MGMT: variants seen among roughly 807,000 people sequenced by gnomAD.
The protein encoded by MGMT is methylated-DNA--protein-cysteine methyltransferase.
MGMT carries 14 observed loss-of-function variants against 15.9 expected under a neutral mutation model. The observed-to-expected ratio is 0.88, with a 90% CI of 0.58 to 1.37. The LOEUF is 1.37. Ranked by LOEUF, MGMT falls within the 40% of genes most tolerant of loss-of-function variation. The probability of loss-of-function intolerance (pLI) is 0.00; values close to 1 mark genes in which losing one functional copy is unlikely to be tolerated. For synonymous variants in MGMT, 130 were observed against 118.2 expected (o/e 1.10, Z -0.65); for missense variants, 282 against 268.1 (o/e 1.05, Z -0.36).
intron 2 of MGMT, among the ~76,000 whole-genome samples, chr10:129,552,655 C>T (rs1022695779): frequency 5.3e-5 from 8 of 152,166 alleles, no homozygotes; most frequent in Non-Finnish European, 8.8e-5. Flanking sequence ...GTTTGGCCAG[C>T]GGTGAAAGAC....
At chr10:129,676,716 A>T (rs1246711090) in intron 2 of MGMT, among the ~76,000 whole-genome samples, 1 of 152,168 alleles carries the variant, frequency 6.6e-6, no homozygotes, top group Non-Finnish European at 1.5e-5. Context: ...AAAGCACATG[A>T]GGAAATGAAA....
chr10:129,529,843 T>A (rs574389278), intron 1 of MGMT, among the ~76,000 whole-genome samples: 4 of 152,320 alleles, frequency 2.6e-5, no homozygotes, highest in African/African-American at 9.6e-5. Context: ...TACCCATGTA[T>A]TCATAATTTG....
At chr10:129,723,041 A>T (rs548582089) in intron 3 of MGMT, among the ~76,000 whole-genome samples, 1 of 150,188 alleles carries the variant, frequency 6.7e-6, no homozygotes, top group South Asian at 2.1e-4. Flanking sequence ...AGTCTTGTCA[A>T]CTAATGGTGC....
chr10:129,744,318 A>G (rs1034705217), intron 3 of MGMT, among the ~76,000 whole-genome samples: 1 of 152,224 alleles, frequency 6.6e-6, no homozygotes, highest in Non-Finnish European at 1.5e-5. Flanking sequence ...GCAGCTGTGC[A>G]CAAGCTGGCT....
chr10:129,630,660 A>T (rs1447213981), intron 2 of MGMT, among the ~76,000 whole-genome samples: 1 of 152,186 alleles, frequency 6.6e-6, no homozygotes, highest in Non-Finnish European at 1.5e-5. Flanking sequence ...AAAAGAAAAC[A>T]GAAGGAAGAT....
intron 2 of MGMT, among the ~76,000 whole-genome samples, chr10:129,652,801 G>A (rs761846087): frequency 3.3e-5 from 5 of 152,238 alleles, no homozygotes; most frequent in African/African-American, 7.2e-5. Context: ...GCGCACCCAC[G>A]GGGTGACGTG....
At chr10:129,526,536 AT>A (rs1845872714) in intron 1 of MGMT, among the ~76,000 whole-genome samples, 1 of 152,008 alleles carries the variant, frequency 6.6e-6, no homozygotes. Context: ...GTTCGTTTTT[AT>A]GTTTTTGAGG....
chr10:129,528,224 G>GA (rs59394518), intron 1 of MGMT, among the ~76,000 whole-genome samples: 1 of 151,888 alleles, frequency 6.6e-6, no homozygotes, highest in Non-Finnish European at 1.5e-5. Context: ...CTGGTTTGAA[G>GA]AAAAAACAGG....
At chr10:129,710,612 A>C (rs113188416) in intron 3 of MGMT, among the ~76,000 whole-genome samples, 32 of 152,344 alleles carry the variant, frequency 2.1e-4, no homozygotes, top group African/African-American at 7.5e-4. Flanking sequence ...GGTTGCTAAC[A>C]GGGAGTTAAT....
At chr10:129,704,753 C>T (rs1193954634) in intron 2 of MGMT, among the ~76,000 whole-genome samples, 1 of 151,940 alleles carries the variant, frequency 6.6e-6, no homozygotes, top group Non-Finnish European at 1.5e-5. Context: ...GTATGGGGGC[C>T]CCTATGTGCA....
At chr10:129,668,146 C>T (rs1537257) in intron 2 of MGMT, among the ~76,000 whole-genome samples, 62,259 of 151,956 alleles carry the variant, frequency 0.41, 14,032 homozygotes, top group East Asian at 0.6. Flanking sequence ...AGTCTTTTCT[C>T]TCCCATAAGA....
chr10:129,702,798 C>G (rs1848114813), intron 2 of MGMT, among the ~76,000 whole-genome samples: 2 of 152,166 alleles, frequency 1.3e-5, no homozygotes, highest in Admixed American at 1.3e-4. Context: ...GTTGCAGGGC[C>G]CCTGGGGAAG....
chr10:129,520,894 GCCCCTATGGTGTGCATACAGAA>G (rs944275020), intron 1 of MGMT, among the ~76,000 whole-genome samples: 4 of 147,988 alleles, frequency 2.7e-5, no homozygotes, highest in Non-Finnish European at 6.0e-5. Flanking sequence ...CGGGTGCAGA[GCCCCTATGGTGTGCATACAGAA>G]CCCCTACGGT....
intron 2 of MGMT, among the ~76,000 whole-genome samples, chr10:129,537,764 G>T (rs567937181): frequency 2.0e-5 from 3 of 152,182 alleles, no homozygotes; most frequent in Non-Finnish European, 4.4e-5. Flanking sequence ...AAAAACAGCC[G>T]TGAAATAATG....
chr10:129,760,427 G>C (rs1341248735), intron 4 of MGMT, among the ~76,000 whole-genome samples: 1 of 152,246 alleles, frequency 6.6e-6, no homozygotes, highest in Non-Finnish European at 1.5e-5. Flanking sequence ...CATCTGATCA[G>C]GGAGCACAAA....
At chr10:129,507,362 G>A (rs774517879) in intron 1 of MGMT, among the ~76,000 whole-genome samples, 25 of 152,164 alleles carry the variant, frequency 1.6e-4, no homozygotes, top group Non-Finnish European at 2.9e-4. Context: ...CATCGCAGTG[G>A]TCTTGTCTGG....
intron 3 of MGMT, among the ~76,000 whole-genome samples, chr10:129,732,498 G>T (rs1284471336): frequency 6.6e-6 from 1 of 151,468 alleles, no homozygotes; most frequent in Non-Finnish European, 1.5e-5. Context: ...CCTTTTTTAT[G>T]GCTGCATGGT....
chr10:129,577,711 CT>C (rs1418102714), intron 2 of MGMT, among the ~76,000 whole-genome samples: 3 of 152,184 alleles, frequency 2.0e-5, no homozygotes, highest in Non-Finnish European at 4.4e-5. Context: ...TAAAGAGCTT[CT>C]GCACAGCAAA....
chr10:129,473,508 G>A (rs1345499340), intron 1 of MGMT, among the ~76,000 whole-genome samples: 4 of 152,180 alleles, frequency 2.6e-5, no homozygotes. Flanking sequence ...GACTTGCACA[G>A]GTCTCCTGGG....
Sources: allele counts gnomAD v4.1 joint callset (sites outside exome capture counted in the v4.1 genomes callset), GRCh38; gene constraint gnomAD v4.1.1; transcripts MANE v1.5; gene names NCBI Gene and HGNC (gene_info 2026-07-23, HGNC 2026-07-21).